The following RAI1 variants were observed in gnomAD, a reference collection of about 807,000 sequenced individuals.
RAI1 encodes retinoic acid induced 1.
In RAI1, 9 loss-of-function variants were observed where a neutral mutation model predicts 123.8. That is an observed-to-expected ratio of 0.07 (90% confidence interval 0.04 to 0.13). The LOEUF is 0.13. Ranked by LOEUF, RAI1 falls within the 10% of genes least tolerant of loss-of-function variation. The probability of loss-of-function intolerance (pLI) is 1.00; values close to 1 mark genes in which losing one functional copy is unlikely to be tolerated. For synonymous variants in RAI1, 1,231 were observed against 1,127.3 expected (o/e 1.09, Z -1.84); for missense variants, 2,256 against 2,545.8 (o/e 0.89, Z 2.45).
intron 3 of RAI1, 106 bp downstream of exon 3, chr17:17,798,619 T>A (rs1354272063): frequency 6.5e-7 from 1 of 1,527,958 alleles, no homozygotes; most frequent in Non-Finnish European, 8.8e-7. Context: ...GGGCCAAATG[T>A]GTCTGCAGTC....
chr17:17,708,916 C>T (rs79908607), intron 1 of RAI1, among the ~76,000 whole-genome samples: 1 of 152,208 alleles, frequency 6.6e-6, no homozygotes, highest in African/African-American at 2.4e-5. Flanking sequence ...CCCTGTGTCC[C>T]GTGCTCCTGC....
intron 1 of RAI1, among the ~76,000 whole-genome samples, chr17:17,696,653 C>A (rs1456820017): frequency 6.6e-6 from 1 of 152,222 alleles, no homozygotes; most frequent in Non-Finnish European, 1.5e-5. Flanking sequence ...GAGCCCTTCT[C>A]CATTGCCAGT....
rs2032076710 is a variant in RAI1 at position 17,792,980 on chromosome 17, A to G, written c.32A>G (p.His11Arg). 1.2e-6 allele frequency: 2 copies of G among 1,606,016 alleles called. No homozygotes were observed. The highest frequency in any genetic ancestry group is 1.4e-5 in the African/African-American group (1 of 73,014). The change falls in exon 3 of 6, where the codon CAT becomes CGT. Residue 11 changes from histidine to arginine, a missense_variant. By Grantham distance (29) the His-to-Arg change is conservative. Coordinates refer to ENST00000353383, the MANE Select transcript of RAI1 (RefSeq NM_030665.4). ...TCTTTTCGAGAAAGGTGTGGTTTCC[A>G]TGGCAAACAACAGAACTACCAGCAG... The part of the protein sequence containing the change: MQSFRERCGF[H>R]GKQQNYQQTS...
intron 2 of RAI1, among the ~76,000 whole-genome samples, chr17:17,758,661 A>T (rs2030548914): frequency 6.6e-6 from 1 of 152,220 alleles, no homozygotes; most frequent in African/African-American, 2.4e-5. Flanking sequence ...TCCCTGTCGC[A>T]TCTGGCTTGG....
Position 17,794,702 on chromosome 17 carries a change from C to T in RAI1, c.1754C>T (p.Ser585Phe). The change falls in exon 3 of 6, where the codon TCC becomes TTC. Residue 585 changes from serine to phenylalanine, a missense_variant. Physicochemically the swap from Ser to Phe is radical, Grantham distance 155. Coordinates refer to ENST00000353383, the MANE Select transcript of RAI1 (RefSeq NM_030665.4). Reference sequence around the variant, plus strand: ...GGCAGTCTGCCGCTCGACAGCTTCTCCAAGTTCGTGGCGGGTGAGCGGGAC... The same window carrying T: ...GGCAGTCTGCCGCTCGACAGCTTCTTCAAGTTCGTGGCGGGTGAGCGGGAC... ...LHGSLPLDSFSKFVAGERDCP... is the reference protein window; with the variant it reads ...LHGSLPLDSFFKFVAGERDCP... 2 of 1,613,046 alleles carry T rather than the reference C, an allele frequency of 1.2e-6. No homozygotes were observed. The highest frequency in any genetic ancestry group is 1.7e-6 in the Non-Finnish European group (2 of 1,180,046).
intron 1 of RAI1, among the ~76,000 whole-genome samples, chr17:17,708,389 C>T (rs773349321): frequency 1.3e-5 from 2 of 150,016 alleles, no homozygotes; most frequent in African/African-American, 2.5e-5. Flanking sequence ...ACCTTCCTGT[C>T]CTCTCTTCTC....
In RAI1 at chr17:17,793,957, A is replaced by G. The variant is rs767891549; in HGVS notation, c.1009A>G (p.Thr337Ala). 6.2e-7 allele frequency: 1 copy of G among 1,612,916 alleles called. No individual in the cohort carries two copies. Among genetic ancestry groups the G allele is most frequent in the East Asian group, 2.2e-5 (1 of 44,750 alleles). The part of the protein sequence containing the change: ...AVRTPEQYYQ[T>A]FSPSSSHSPA... ...CCGGACCCCAGAGCAGTACTACCAG[A>G]CCTTCAGCCCCAGCTCCAGCCACTC... is the stretch of plus-strand genomic sequence containing the variant. The change falls in exon 3 of 6, where the codon ACC becomes GCC. Residue 337 changes from threonine to alanine, a missense_variant. By Grantham distance (58) the Thr-to-Ala change is moderately conservative (BLOSUM62 0). This residue lies in a region of RAI1 where 357 missense variants were observed against 480.2 expected (regional missense o/e 0.74). Coordinates refer to ENST00000353383, the MANE Select transcript of RAI1 (RefSeq NM_030665.4).
chr17:17,779,867 C>G (rs12946060), intron 2 of RAI1, among the ~76,000 whole-genome samples: 1 of 150,240 alleles, frequency 6.7e-6, no homozygotes. Flanking sequence ...CTCCGCCCCC[C>G]GGGGTTCACG....
chr17:17,770,638 T>C (rs994238851), intron 2 of RAI1, among the ~76,000 whole-genome samples: 83 of 42,422 alleles, frequency 2.0e-3, no homozygotes, highest in African/African-American at 6.9e-3. Context: ...TGGGGGTGGG[T>C]GGGGGTGGGT....
At chr17:17,707,517 C>G (rs1341102726) in intron 1 of RAI1, among the ~76,000 whole-genome samples, 1 of 152,140 alleles carries the variant, frequency 6.6e-6, no homozygotes, top group Non-Finnish European at 1.5e-5. Flanking sequence ...GAGGCAGGAA[C>G]GTGTTTCCAT....
At chr17:17,772,548 C>T (rs910468081) in intron 2 of RAI1, among the ~76,000 whole-genome samples, 1 of 152,258 alleles carries the variant, frequency 6.6e-6, no homozygotes, top group African/African-American at 2.4e-5. Context: ...ACCACGTGGA[C>T]CCTGCCCATC....
chr17:17,758,472 T>C (rs1020551367), intron 2 of RAI1, among the ~76,000 whole-genome samples: 6 of 152,230 alleles, frequency 3.9e-5, no homozygotes, highest in African/African-American at 1.4e-4. Flanking sequence ...CCTTCCTTGC[T>C]GCCCTGGTTA....
At chr17:17,712,673 C>T (rs1915600914) in intron 1 of RAI1, among the ~76,000 whole-genome samples, 1 of 152,162 alleles carries the variant, frequency 6.6e-6, no homozygotes, top group Non-Finnish European at 1.5e-5. Context: ...GGCTATTGCA[C>T]TTGTCTGGCT....
intron 2 of RAI1, among the ~76,000 whole-genome samples, chr17:17,732,620 C>T (rs1598042014): frequency 6.6e-6 from 1 of 152,212 alleles, no homozygotes; most frequent in South Asian, 2.1e-4. Context: ...CCAGGAGCTC[C>T]TGGCACACTC....
At chr17:17,699,631 G>C (rs1915146758) in intron 1 of RAI1, among the ~76,000 whole-genome samples, 1 of 129,842 alleles carries the variant, frequency 7.7e-6, no homozygotes, top group Admixed American at 7.9e-5. Flanking sequence ...CGGGGGGCCG[G>C]GGGGGGGGGA....
chr17:17,752,837 C>T (rs756285589), intron 2 of RAI1, among the ~76,000 whole-genome samples: 21 of 152,136 alleles, frequency 1.4e-4, no homozygotes, highest in Non-Finnish European at 3.1e-4. Context: ...CCTGGCACTC[C>T]TCTGCCCAGC....
At chr17:17,750,307 C>G (rs1020583413) in intron 2 of RAI1, among the ~76,000 whole-genome samples, 4 of 152,218 alleles carry the variant, frequency 2.6e-5, no homozygotes, top group African/African-American at 9.6e-5. Context: ...GTTGTAAGCC[C>G]TTTTCTCAAA....
intron 3 of RAI1, chr17:17,802,179 C>A (rs1473537296): frequency 6.4e-6 from 3 of 470,728 alleles, no homozygotes; most frequent in Non-Finnish European, 1.3e-5. Context: ...AGGTGTGGGG[C>A]AGCCCCCAAG....
chr17:17,783,065 G>C (rs985920964), intron 2 of RAI1, among the ~76,000 whole-genome samples: 2 of 44 alleles, frequency 0.045, no homozygotes, highest in African/African-American at 0.11. Flanking sequence ...GATGAATGAT[G>C]GGGGCTGGTG....
Sources: allele counts gnomAD v4.1 joint callset (sites outside exome capture counted in the v4.1 genomes callset), GRCh38; gene constraint gnomAD v4.1.1; regional missense constraint gnomAD v4.1.1; transcripts MANE v1.5; gene names NCBI Gene and HGNC (gene_info 2026-07-23, HGNC 2026-07-21).